C3orf70: variants seen among roughly 807,000 people sequenced by gnomAD.
The protein encoded by C3orf70 is UPF0524 protein C3orf70.
In C3orf70, 15 loss-of-function variants were observed where a neutral mutation model predicts 20.7. The ratio of observed to expected loss-of-function variants is 0.72; its 90% CI spans 0.48 to 1.11. The LOEUF (loss-of-function observed/expected upper bound fraction) is 1.11, where lower values mean the gene tolerates loss of function less well. C3orf70 is among the 50% of genes most tolerant of loss of function. The pLI is 0.00. For synonymous variants in C3orf70, 161 were observed against 125.7 expected, an observed-to-expected ratio of 1.28 and a Z score of -1.88; for missense variants, 332 against 317.6, an observed-to-expected ratio of 1.05 and a Z score of -0.34.
At position 185,083,297 on chromosome 3, in the gene C3orf70, G is replaced by A. The variant is rs767517434; in HGVS notation, c.463C>T (p.His155Tyr). Reference protein sequence around the residue: ...YVQKQPAPHSHRMSPEEVSAH... With the variant: ...YVQKQPAPHSYRMSPEEVSAH... ...GAGACCTCCTCAGGGCTCATTCTGTGGGAATGTGGTGCCGGCTGCTTCTGC... is the reference window on the plus strand; with the variant it reads ...GAGACCTCCTCAGGGCTCATTCTGTAGGAATGTGGTGCCGGCTGCTTCTGC... Residue 155 changes from histidine to tyrosine, a missense_variant, in exon 2 of 2, where the codon CAC (histidine) becomes TAC (tyrosine). Coordinates refer to ENST00000335012, the MANE Select transcript of C3orf70 (RefSeq NM_001025266.3). 1 of 1,614,172 alleles carries A rather than the reference G, an allele frequency of 6.2e-7. No individual in the cohort carries two copies. The highest frequency in any genetic ancestry group is 1.1e-5 in the South Asian group (1 of 91,074).
chr3:185,148,720 GT>G lies in C3orf70; in HGVS notation c.196+3907del, dbSNP rs769943514. Among the ~76,000 whole-genome samples, 9 of 152,186 alleles carry G rather than the reference GT, an allele frequency of 5.9e-5. 1 individual carries two copies. Among genetic ancestry groups the G allele is most frequent in the South Asian group, 4.1e-4 (2 of 4,828 alleles). ...ATTAAGTTACACATTCAGATTCATG[GT>G]TTATTCAGCTTAATAATCTATTTTT... On this transcript the variant is annotated intron_variant, in intron 1 of 1. Coordinates refer to ENST00000335012, the MANE Select transcript of C3orf70 (RefSeq NM_001025266.3).
chr3:185,150,978 T>C (rs1209803250), intron 1 of C3orf70, among the ~76,000 whole-genome samples: 1 of 152,204 alleles, frequency 6.6e-6, no homozygotes, highest in Non-Finnish European at 1.5e-5. Flanking sequence ...TGGCCAGGGA[T>C]ACAGAGAGAA....
chr3:185,143,507 C>T (rs1475370344), intron 1 of C3orf70, among the ~76,000 whole-genome samples: 1 of 152,212 alleles, frequency 6.6e-6, no homozygotes, highest in Non-Finnish European at 1.5e-5. Context: ...TGTACAGATA[C>T]AGCTGGGGGG....
chr3:185,140,786 TAA>T (rs34759953), intron 1 of C3orf70, among the ~76,000 whole-genome samples: 24 of 94,208 alleles, frequency 2.5e-4, no homozygotes, highest in Non-Finnish European at 3.5e-4. Context: ...CCGTCTCTAC[TAA>T]AAAAAAAAAA....
In C3orf70 at chr3:185,083,151, A is replaced by C; in HGVS notation, c.609T>G (p.Cys203Trp). Residue 203 changes from cysteine (C) to tryptophan (W), a missense_variant, in exon 2 of 2, where the codon TGT becomes TGG. By Grantham distance (215) the Cys-to-Trp change is radical (BLOSUM62 -2). Transcript: ENST00000335012. The stretch of plus-strand genomic sequence containing the variant: ...CTGCTCCTTCTTCTGTGTCCTCGTC[A>C]CACGATTCCACATAGTGAGCCCCAA... ...NAIGAHYVES[C>W]DEDTEEGAEL... The C allele has an allele frequency of 6.2e-7, 1 of 1,614,098 alleles. No homozygotes were observed. The highest frequency in any genetic ancestry group is 8.5e-7 in the Non-Finnish European group (1 of 1,180,032).
intron 1 of C3orf70, among the ~76,000 whole-genome samples, chr3:185,098,919 T>A (rs1715765150): frequency 1.3e-5 from 2 of 152,194 alleles, no homozygotes; most frequent in South Asian, 4.1e-4. Flanking sequence ...CTCCAGGGTC[T>A]CCGGCCTGTC....
At chr3:185,127,986 T>A (rs913451097) in intron 1 of C3orf70, among the ~76,000 whole-genome samples, 1 of 152,240 alleles carries the variant, frequency 6.6e-6, no homozygotes, top group Non-Finnish European at 1.5e-5. Flanking sequence ...AAACCTCTTA[T>A]GCTTATAGTT....
chr3:185,094,079 T>G (rs948352316), intron 1 of C3orf70, among the ~76,000 whole-genome samples: 66 of 140,078 alleles, frequency 4.7e-4, no homozygotes, highest in African/African-American at 1.7e-3. Context: ...CTGGGGTTTT[T>G]TTTTTTTTTT....
At chr3:185,142,966 T>A (rs1716788944) in intron 1 of C3orf70, among the ~76,000 whole-genome samples, 1 of 152,046 alleles carries the variant, frequency 6.6e-6, no homozygotes, top group Non-Finnish European at 1.5e-5. Context: ...TGCTTTAGAG[T>A]GATTAAAAGT....
intron 1 of C3orf70, among the ~76,000 whole-genome samples, chr3:185,103,579 G>A (rs1162926358): frequency 6.6e-6 from 1 of 151,850 alleles, no homozygotes; most frequent in African/African-American, 2.4e-5. Context: ...CAGCCAACAA[G>A]CATATGAAAA....
intron 1 of C3orf70, among the ~76,000 whole-genome samples, chr3:185,091,936 TATATATATATATATATATATATATATA>T (rs1561330757): frequency 0.022 from 102 of 4,676 alleles, no homozygotes; most frequent in African/African-American, 0.04. Flanking sequence ...TATATATATA[TATATATATATATATATATATATATATA>T]TTTTTTTTTT....
intron 1 of C3orf70, among the ~76,000 whole-genome samples, chr3:185,085,360 GATCA>G (rs1715438135): frequency 1.3e-5 from 2 of 152,188 alleles, no homozygotes; most frequent in East Asian, 1.9e-4. Context: ...AATCTCTTAA[GATCA>G]ATCAAGCCTG....
At chr3:185,113,385 A>ATTC (rs1317103823) in intron 1 of C3orf70, among the ~76,000 whole-genome samples, 2 of 152,204 alleles carry the variant, frequency 1.3e-5, no homozygotes, top group African/African-American at 4.8e-5. Flanking sequence ...AATTCTAAGA[A>ATTC]TAGAGGCTGA....
chr3:185,143,059 T>C (rs1716790526), intron 1 of C3orf70, among the ~76,000 whole-genome samples: 1 of 152,192 alleles, frequency 6.6e-6, no homozygotes, highest in African/African-American at 2.4e-5. Context: ...TTCTTTACCA[T>C]TAAGAAAACT....
intron 1 of C3orf70, among the ~76,000 whole-genome samples, chr3:185,129,009 ATT>A (rs1716473722): frequency 1.3e-5 from 2 of 152,156 alleles, no homozygotes; most frequent in African/African-American, 4.8e-5. Context: ...TCAATTATCT[ATT>A]TCTCTTTAAA....
At chr3:185,093,156 CAAGT>C (rs1303291973) in intron 1 of C3orf70, among the ~76,000 whole-genome samples, 2 of 152,088 alleles carry the variant, frequency 1.3e-5, no homozygotes, top group African/African-American at 4.8e-5. Flanking sequence ...GGATTTCAGT[CAAGT>C]AAGAGAGAAT....
chr3:185,127,183 T>TA (rs879587112), intron 1 of C3orf70, among the ~76,000 whole-genome samples: 5 of 151,822 alleles, frequency 3.3e-5, no homozygotes, highest in South Asian at 2.1e-4. Context: ...AAAGTAAAAG[T>TA]AAAAAAAACT....
rs955407201 is a variant in C3orf70, at chr3:185,077,740, G to A, written c.*5267C>T. 9.2e-5 allele frequency among the ~76,000 whole-genome samples: 13 copies of A among 141,642 alleles called. No homozygotes were observed. The highest frequency in any genetic ancestry group is 2.8e-4 in the African/African-American group (11 of 38,876). 92.9% of individuals were successfully genotyped at this position (141,642 alleles called of 152,430 possible). A position where few individuals can be genotyped will look rare whatever the true frequency, so the allele number is the denominator to read the frequency against. On this transcript the variant is annotated 3_prime_UTR_variant, in exon 2 of 2. Transcript: ENST00000335012. ...CTGCCCCACATGACACGTGTAAGCC[G>A]AACAGAAAGGCTGTAACTGCGTGTG...
At chr3:185,129,091 A>G (rs911057906) in intron 1 of C3orf70, among the ~76,000 whole-genome samples, 2 of 152,202 alleles carry the variant, frequency 1.3e-5, no homozygotes, top group African/African-American at 4.8e-5. Flanking sequence ...TATTAAATAC[A>G]TTAGACATGA....
Sources: allele counts gnomAD v4.1 joint callset (sites outside exome capture counted in the v4.1 genomes callset), GRCh38; gene constraint gnomAD v4.1.1; transcripts MANE v1.5; gene names NCBI Gene and HGNC (gene_info 2026-07-23, HGNC 2026-07-21).